Variants in CCSAP observed in about 807,000 individuals in gnomAD.
CCSAP encodes the protein centriole, cilia and spindle associated protein.
In CCSAP, 17 loss-of-function variants were observed where a neutral mutation model predicts 25.9. The observed-to-expected ratio is 0.66, with a 90% confidence interval of 0.45 to 0.99. The LOEUF is 0.99. Ranked by LOEUF, CCSAP falls within the 50% of genes least tolerant of loss-of-function variation. The pLI, the probability that CCSAP is intolerant of heterozygous loss-of-function variation, is 0.00. For missense variants in CCSAP, 339 were observed against 367.8 expected, an observed-to-expected ratio of 0.92 and a Z score of 0.64; for synonymous variants, 169 against 157.1, an observed-to-expected ratio of 1.08 and a Z score of -0.57.
In CCSAP at chr1:229,342,064, T is replaced by C. The variant is rs1304007514; in HGVS notation, c.367+35A>G. The C allele has an allele frequency of 3.0e-6, 4 of 1,314,526 alleles. No homozygotes were observed. The highest frequency in any genetic ancestry group is 3.9e-6 in the Non-Finnish European group (4 of 1,034,178). The allele number at this position is 1,314,526 out of a possible 1,614,324, so 81.4% of individuals were successfully genotyped here. The stretch of plus-strand genomic sequence containing the variant: ...GAGCTTAGAGCAAACCGTCCCTGCG[T>C]GCAGGCCCCTCGCGCTCCCCTCCGG... On this transcript the variant is annotated intron_variant, in intron 2 of 3. Coordinates refer to ENST00000284617, the MANE Select transcript of CCSAP (RefSeq NM_145257.5). This position sits in a 1 kb window ranked among gnomAD's most constrained non-coding sequence, Gnocchi z 7.5.
chr1:229,342,307 G>A lies in CCSAP; in HGVS notation c.159C>T (p.Gly53=), dbSNP rs1360746200. 3 of 1,462,950 alleles carry A rather than the reference G, an allele frequency of 2.1e-6. No individual in the cohort carries two copies. Among genetic ancestry groups the A allele is most frequent in the Non-Finnish European group, 2.7e-6 (3 of 1,108,490 alleles). 90.6% of individuals were successfully genotyped at this position (1,462,950 alleles called of 1,614,324 possible). Residue 53 remains glycine, a synonymous_variant, in exon 2 of 4, where the codon GGC becomes GGT. Coordinates refer to ENST00000284617, the MANE Select transcript of CCSAP (RefSeq NM_145257.5). The surrounding 1 kb of genome is among the most constrained non-coding windows in gnomAD (Gnocchi z 7.5). The part of the protein sequence containing the change: ...AHAPWLWDDW[G]PAGSSEDSAS... ...CCGAGTCCTCCGAGGAGCCGGCCGG[G>A]CCCCAGTCGTCCCAGAGCCAGGGCG... is the stretch of plus-strand genomic sequence containing the variant.
intron 2 of CCSAP, among the ~76,000 whole-genome samples, chr1:229,332,513 A>G (rs1024112319): frequency 2.6e-5 from 4 of 152,242 alleles, no homozygotes; most frequent in Non-Finnish European, 5.9e-5. Flanking sequence ...TATGTTTCTA[A>G]AATCCTGTTT....
At chr1:229,334,441 C>T (rs1658149039) in intron 2 of CCSAP, among the ~76,000 whole-genome samples, 1 of 151,962 alleles carries the variant, frequency 6.6e-6, no homozygotes, top group South Asian at 2.1e-4. Context: ...ATGCGTGATG[C>T]AGCTAAAGCA....
In CCSAP at chr1:229,323,283, T is replaced by C. The variant is rs1254262582; in HGVS notation, c.*1952A>G. 1 of 152,212 alleles carries C rather than the reference T, an allele frequency of 6.6e-6. No homozygotes were observed. The highest frequency in any genetic ancestry group is 1.5e-5 in the Non-Finnish European group (1 of 68,036). 9.4% of individuals were successfully genotyped at this position (152,212 alleles called of 1,614,324 possible). A position where few individuals can be genotyped will look rare whatever the true frequency, so the allele number is the denominator to read the frequency against. ...AGTTTTAAGTAGTAAGTACATTAAA[T>C]ATAAGTTTGTTTTCTAAACAAGAGA... On this transcript the variant is annotated 3_prime_UTR_variant, in exon 4 of 4. Coordinates refer to ENST00000284617, the MANE Select transcript of CCSAP (RefSeq NM_145257.5).
rs1657866941 is a variant in CCSAP, at chr1:229,323,183, C to G, written c.*2052G>C. ...GCACTTTAAAAGCACTTTAAAAATC[C>G]CGTTCATTTGTCTTCCACTTAAAAA... On this transcript the variant is annotated 3_prime_UTR_variant, in exon 4 of 4. Coordinates refer to ENST00000284617, the MANE Select transcript of CCSAP (RefSeq NM_145257.5). 1 of 152,112 alleles carries G rather than the reference C, an allele frequency of 6.6e-6. No homozygotes were observed. Among genetic ancestry groups the G allele is most frequent in the Admixed American group, 6.5e-5 (1 of 15,270 alleles). The allele number at this position is 152,112 out of a possible 1,614,324, so 9.4% of individuals were successfully genotyped here.
intron 2 of CCSAP, among the ~76,000 whole-genome samples, chr1:229,339,545 T>C (rs992788275): frequency 2.7e-5 from 4 of 147,666 alleles, no homozygotes; most frequent in African/African-American, 1.0e-4. Flanking sequence ...AGAAAGAAAA[T>C]GACATGAAAG....
intron 2 of CCSAP, among the ~76,000 whole-genome samples, chr1:229,341,843 G>A (rs1658340076): frequency 6.6e-6 from 1 of 152,074 alleles, no homozygotes; most frequent in African/African-American, 2.4e-5. Context: ...CGCGAGGAAA[G>A]ACCCCAGACT....
chr1:229,333,872 T>A (rs1481657982), intron 2 of CCSAP, among the ~76,000 whole-genome samples: 1 of 152,042 alleles, frequency 6.6e-6, no homozygotes, highest in Non-Finnish European at 1.5e-5. Flanking sequence ...CAGAGTGAGA[T>A]TCCATCTCAA....
At position 229,342,543 on chromosome 1, in the gene CCSAP, C is replaced by T. The variant is rs1658365062; in HGVS notation, c.-48-30G>A. The T allele has an allele frequency of 1.0e-6, 1 of 979,972 alleles. No individual in the cohort carries two copies. The allele number at this position is 979,972 out of a possible 1,614,324, so 60.7% of individuals were successfully genotyped here. On this transcript the variant is annotated intron_variant, in intron 1 of 3. Coordinates refer to ENST00000284617, the MANE Select transcript of CCSAP (RefSeq NM_145257.5). This position sits in a 1 kb window ranked among gnomAD's most constrained non-coding sequence, Gnocchi z 7.5. ...GGGACCCGGTACACGACACAGAGGC[C>T]GCCCCGCCCCTCCGCCGGCCCTGCC...
intron 2 of CCSAP, among the ~76,000 whole-genome samples, chr1:229,333,290 G>A (rs1658120934): frequency 2.0e-5 from 3 of 152,114 alleles, no homozygotes; most frequent in South Asian, 4.2e-4. Context: ...AAAATTAGCC[G>A]GGCGTGGTGT....
Position 229,342,217 on chromosome 1 carries a change from C to CGGCGGG in CCSAP, c.243_248dup (p.Pro83_Pro84dup). 8.0e-7 allele frequency: 1 copy of CGGCGGG among 1,252,668 alleles called. No individual in the cohort carries two copies. The highest frequency in any genetic ancestry group is 1.0e-6 in the Non-Finnish European group (1 of 1,001,010). The allele number at this position is 1,252,668 out of a possible 1,614,324, so 77.6% of individuals were successfully genotyped here. A position where few individuals can be genotyped will look rare whatever the true frequency, so the allele number is the denominator to read the frequency against. On this transcript the variant is annotated inframe_insertion, in exon 2 of 4. Transcript: ENST00000284617. This position sits in a 1 kb window ranked among gnomAD's most constrained non-coding sequence, Gnocchi z 7.5. ...CCTCCTGGGTCGCCGGCTCTACGGG[C>CGGCGGG]GGCGGGGGCGAGGGCGGGGCGCACC... is the stretch of plus-strand genomic sequence containing the variant.
At chr1:229,333,326 C>A (rs554760011) in intron 2 of CCSAP, among the ~76,000 whole-genome samples, 3 of 148,756 alleles carry the variant, frequency 2.0e-5, no homozygotes, top group Non-Finnish European at 4.4e-5. Flanking sequence ...CCAGCTACTC[C>A]GGAGGCAGAG....
Position 229,342,568 on chromosome 1 carries a change from C to T in CCSAP, c.-48-55G>A. On this transcript the variant is annotated intron_variant, in intron 1 of 3. Coordinates refer to ENST00000284617, the MANE Select transcript of CCSAP (RefSeq NM_145257.5). The surrounding 1 kb of genome is among the most constrained non-coding windows in gnomAD (Gnocchi z 7.5). ...CGCCCCGCCCCTCCGCCGGCCCTGC[C>T]CGCCGCGACGTTTAAACCCGGAGCC... 1 of 791,414 alleles carries T rather than the reference C, an allele frequency of 1.3e-6. No homozygotes were observed. The highest frequency in any genetic ancestry group is 1.7e-6 in the Non-Finnish European group (1 of 585,274). The allele number at this position is 791,414 out of a possible 1,614,324, so 49.0% of individuals were successfully genotyped here. A position where few individuals can be genotyped will look rare whatever the true frequency, so the allele number is the denominator to read the frequency against.
chr1:229,332,194 TATGAGCC>T (rs1448865998), intron 2 of CCSAP, among the ~76,000 whole-genome samples: 7 of 152,172 alleles, frequency 4.6e-5, no homozygotes, highest in Admixed American at 4.6e-4. Flanking sequence ...CCCTGAGTTC[TATGAGCC>T]ACTCCAGCAA....
At chr1:229,339,095 GA>G (rs11328051) in intron 2 of CCSAP, among the ~76,000 whole-genome samples, 63,677 of 134,580 alleles carry the variant, frequency 0.47, 14,224 homozygotes, top group South Asian at 0.49. Flanking sequence ...AAAGAAATGG[GA>G]AAAAAAAAAA....
At chr1:229,331,787 T>TTTATTATTATTATTATTATTATTA (rs139107975) in intron 2 of CCSAP, among the ~76,000 whole-genome samples, 1 of 140,642 alleles carries the variant, frequency 7.1e-6, no homozygotes, top group Non-Finnish European at 1.5e-5. Flanking sequence ...CTAATATCCT[T>TTTATTATTATTATTATTATTATTA]TTATTATTAT....
chr1:229,325,251 T>C lies in CCSAP; in HGVS notation c.797A>G (p.Tyr266Cys). 6.2e-7 allele frequency: 1 copy of C among 1,608,712 alleles called. No homozygotes were observed. The highest frequency in any genetic ancestry group is 8.5e-7 in the Non-Finnish European group (1 of 1,178,738). Residue 266 changes from tyrosine (Y) to cysteine (C), a missense_variant, in exon 4 of 4, where the codon TAT becomes TGT. Physicochemically the swap from Tyr to Cys is radical, Grantham distance 194. Coordinates refer to ENST00000284617, the MANE Select transcript of CCSAP (RefSeq NM_145257.5). The part of the protein sequence containing the change: ...NPWMTEYMRC[Y>C]SARA ...AGTGTTTCTTTAAGCTCTTGCCGAA[T>C]AGCACCTCATGTATTCTGTCATCCA...
rs534253907 is a variant in CCSAP, at chr1:229,333,258, C to T, written c.368-6252G>A. Among the ~76,000 whole-genome samples, 3 of 151,372 alleles carry T rather than the reference C, an allele frequency of 2.0e-5. No homozygotes were observed. The South Asian group carries it at 6.3e-4, about 32-fold the overall frequency. ...CCATCCTGGGTAACACGGTGAAACC[C>T]CGTCTCTACTAAAAATACAAAAAAA... is the stretch of plus-strand genomic sequence containing the variant. On this transcript the variant is annotated intron_variant, in intron 2 of 3. Transcript: ENST00000284617.
chr1:229,333,236 T>C (rs902150003), intron 2 of CCSAP, among the ~76,000 whole-genome samples: 6 of 151,588 alleles, frequency 4.0e-5, no homozygotes, highest in South Asian at 2.1e-4. Context: ...ATAGAGACCA[T>C]CCTGGGTAAC....
Sources: allele counts gnomAD v4.1 joint callset (sites outside exome capture counted in the v4.1 genomes callset), GRCh38; gene constraint gnomAD v4.1.1; non-coding constraint Gnocchi (gnomAD v3.1); transcripts MANE v1.5; gene names NCBI Gene and HGNC (gene_info 2026-07-23, HGNC 2026-07-21).